CNGB3: variants seen among roughly 807,000 people sequenced by gnomAD.
The protein encoded by CNGB3 is cyclic nucleotide-gated channel beta-3.
In CNGB3, 86 loss-of-function variants were observed where a neutral mutation model predicts 92.8. The observed-to-expected ratio is 0.93, with a 90% CI of 0.78 to 1.11. The LOEUF (loss-of-function observed/expected upper bound fraction) is 1.11. Among genes scored for constraint, CNGB3 ranks in the 50% least tolerant of loss-of-function variants. The probability of loss-of-function intolerance (pLI) is 0.00; values close to 1 mark genes in which losing one functional copy is unlikely to be tolerated. For missense variants in CNGB3, 1,026 were observed against 956.8 expected (o/e 1.07, Z -0.95); for synonymous variants, 333 against 332.7 (o/e 1.00, Z -0.01).
At chr8:86,641,580 C>T (rs1423101511) in intron 10 of CNGB3, among the ~76,000 whole-genome samples, 1 of 151,812 alleles carries the variant, frequency 6.6e-6, no homozygotes, top group Non-Finnish European at 1.5e-5. Flanking sequence ...AACTGCCACT[C>T]CTTATCTTTG....
At chr8:86,585,184 T>C (rs545676262) in intron 15 of CNGB3, among the ~76,000 whole-genome samples, 1 of 152,258 alleles carries the variant, frequency 6.6e-6, no homozygotes, top group South Asian at 2.1e-4. Context: ...CTGTGTAAGA[T>C]AACTTGTATA....
chr8:86,624,533 C>T (rs1822806314), intron 13 of CNGB3, among the ~76,000 whole-genome samples: 4 of 152,262 alleles, frequency 2.6e-5, no homozygotes, highest in South Asian at 2.1e-4. Flanking sequence ...CTCTTGCTTC[C>T]ACCACTCTGC....
chr8:86,620,642 C>T (rs1377460452), intron 13 of CNGB3, among the ~76,000 whole-genome samples: 2 of 152,140 alleles, frequency 1.3e-5, no homozygotes, highest in African/African-American at 4.8e-5. Flanking sequence ...TTCTAGGTCC[C>T]ACACCTGGAC....
intron 15 of CNGB3, among the ~76,000 whole-genome samples, chr8:86,593,475 G>A (rs1822095238): frequency 6.6e-6 from 1 of 152,178 alleles, no homozygotes; most frequent in South Asian, 2.1e-4. Context: ...TAGTTTTAAA[G>A]TTTTTTTTAA....
At chr8:86,614,338 C>G (rs1045262355) in intron 13 of CNGB3, among the ~76,000 whole-genome samples, 12 of 152,164 alleles carry the variant, frequency 7.9e-5, no homozygotes, top group Non-Finnish European at 1.5e-4. Flanking sequence ...TCAGTCACAG[C>G]AAGGCCCCAT....
chr8:86,660,597 C>T, intron 6 of CNGB3: 1 of 534,156 alleles, frequency 1.9e-6, no homozygotes, highest in Non-Finnish European at 3.8e-6. Context: ...TTCTTATTAG[C>T]TCCAAACTGC....
At chr8:86,672,541 T>C (rs182193438) in intron 3 of CNGB3, among the ~76,000 whole-genome samples, 2 of 152,270 alleles carry the variant, frequency 1.3e-5, no homozygotes, top group East Asian at 1.9e-4. Flanking sequence ...ATGTCTGACA[T>C]TGGGTCTACA....
In CNGB3 at chr8:86,667,028, A is replaced by T; in HGVS notation, c.749T>A (p.Ile250Lys). 1 of 1,614,072 alleles carries T rather than the reference A, an allele frequency of 6.2e-7. No individual in the cohort carries two copies. The highest frequency in any genetic ancestry group is 8.5e-7 in the Non-Finnish European group (1 of 1,179,974). The change falls in exon 6 of 18, where the codon ATA becomes AAA. Residue 250 changes from isoleucine to lysine, a missense_variant. Transcript: ENST00000320005. ...LVFPYQTADN[I>K]HYWLIADIIC... ...GATGTCCGCAATAAGCCAGTAGTGTATGTTGTCTGCGGTTTGATATGGGAA... is the reference window on the plus strand; with the variant it reads ...GATGTCCGCAATAAGCCAGTAGTGTTTGTTGTCTGCGGTTTGATATGGGAA...
intron 3 of CNGB3, among the ~76,000 whole-genome samples, chr8:86,694,275 C>A (rs1198924761): frequency 2.7e-5 from 4 of 149,396 alleles, no homozygotes; most frequent in Non-Finnish European, 4.5e-5. Flanking sequence ...GGCAAAGGGG[C>A]TCCTCACTTC....
chr8:86,741,452 C>T (rs1476002731), intron 1 of CNGB3, among the ~76,000 whole-genome samples: 1 of 151,928 alleles, frequency 6.6e-6, no homozygotes, highest in African/African-American at 2.4e-5. Context: ...ACACCTGAGG[C>T]CGAGAGTTTG....
At chr8:86,667,263 A>G in intron 5 of CNGB3, 130 bp from the exon 6 acceptor site, 1 of 746,830 alleles carries the variant, frequency 1.3e-6, no homozygotes, top group Non-Finnish European at 2.4e-6. Context: ...TCTATTAAAC[A>G]TTCAACACCA....
chr8:86,728,020 A>C (rs1825093188), intron 2 of CNGB3, among the ~76,000 whole-genome samples: 1 of 152,178 alleles, frequency 6.6e-6, no homozygotes, highest in Non-Finnish European at 1.5e-5. Context: ...AAAATTTTTA[A>C]AAGTTTAAGA....
At chr8:86,719,824 G>C (rs1264364563) in intron 3 of CNGB3, among the ~76,000 whole-genome samples, 1 of 152,112 alleles carries the variant, frequency 6.6e-6, no homozygotes, top group Admixed American at 6.6e-5. Flanking sequence ...ACTGAATAGA[G>C]AACCCAGAAA....
intron 15 of CNGB3, among the ~76,000 whole-genome samples, chr8:86,581,801 C>T (rs186875447): frequency 1.3e-5 from 2 of 152,178 alleles, no homozygotes; most frequent in East Asian, 3.9e-4. Flanking sequence ...AGATGCAAAC[C>T]CTCTCTGAGA....
intron 6 of CNGB3, chr8:86,661,791 A>G (rs1469331642): frequency 6.3e-7 from 1 of 1,585,776 alleles, no homozygotes; most frequent in East Asian, 2.2e-5. Context: ...GAGTTCACAT[A>G]TCAACCACTT....
intron 3 of CNGB3, among the ~76,000 whole-genome samples, chr8:86,721,410 G>A (rs1824969086): frequency 1.3e-5 from 2 of 152,032 alleles, no homozygotes; most frequent in African/African-American, 4.8e-5. Flanking sequence ...TGGGGACTAT[G>A]GGGAAAGAGT....
At chr8:86,734,509 TACAAATGCAG>T (rs1216271641) in intron 2 of CNGB3, among the ~76,000 whole-genome samples, 1 of 152,208 alleles carries the variant, frequency 6.6e-6, no homozygotes, top group Non-Finnish European at 1.5e-5. Context: ...TTTCACTGTT[TACAAATGCAG>T]ACAACATTAC....
At chr8:86,683,402 A>G (rs1222187190) in intron 3 of CNGB3, among the ~76,000 whole-genome samples, 1 of 152,150 alleles carries the variant, frequency 6.6e-6, no homozygotes, top group East Asian at 1.9e-4. Flanking sequence ...CCTTCAAACC[A>G]CTAAATGAAG....
chr8:86,667,913 T>A (rs568877588), intron 5 of CNGB3, 106 bp downstream of exon 5: 2 of 1,221,604 alleles, frequency 1.6e-6, no homozygotes, highest in South Asian at 1.2e-5. Context: ...CTAGTTAGAT[T>A]GAGAATATGA....
Sources: gnomAD v4.1 joint callset for allele counts (sites outside exome capture counted in the v4.1 genomes callset) on GRCh38, gnomAD v4.1.1 for gene constraint, MANE v1.5 for transcripts, NCBI Gene and HGNC (gene_info 2026-07-23, HGNC 2026-07-21) for gene names.